The following TMEM108 variants were observed in gnomAD, a reference collection of about 807,000 sequenced individuals.
TMEM108 encodes transmembrane protein 108, also known as cancer/testis antigen 124.
A neutral mutation model predicts 35.1 loss-of-function variants in TMEM108; 12 were observed. The observed-to-expected ratio is 0.34, with a 90% CI of 0.22 to 0.55. The LOEUF is 0.55. Ranked by LOEUF, TMEM108 falls within the 20% of genes least tolerant of loss-of-function variation. The pLI, the probability that TMEM108 is intolerant of heterozygous loss-of-function variation, is 0.89. For synonymous variants in TMEM108, 287 were observed against 308.6 expected (o/e 0.93, Z 0.73); for missense variants, 680 against 753.3 (o/e 0.90, Z 1.14).
At chr3:133,279,157 A>C (rs540993901) in intron 3 of TMEM108, among the ~76,000 whole-genome samples, 1 of 152,350 alleles carries the variant, frequency 6.6e-6, no homozygotes, top group Admixed American at 6.5e-5. Flanking sequence ...CCTGTGTCAA[A>C]GTAAGCACTT....
intron 2 of TMEM108, among the ~76,000 whole-genome samples, chr3:133,149,585 A>G (rs192682007): frequency 6.6e-6 from 1 of 152,278 alleles, no homozygotes; most frequent in East Asian, 1.9e-4. Context: ...TGTAAGTGAG[A>G]TCATACAGTA....
At chr3:133,313,432 G>T (rs1238543783) in intron 3 of TMEM108, among the ~76,000 whole-genome samples, 1 of 152,146 alleles carries the variant, frequency 6.6e-6, no homozygotes. Context: ...TGATCCACCT[G>T]CCTTGGCCTC....
intron 2 of TMEM108, among the ~76,000 whole-genome samples, chr3:133,228,813 A>C (rs1201474681): frequency 6.6e-6 from 1 of 152,218 alleles, no homozygotes; most frequent in Non-Finnish European, 1.5e-5. Context: ...TTGTAATCAG[A>C]AAATAATAGA....
intron 2 of TMEM108, among the ~76,000 whole-genome samples, chr3:133,122,166 C>G (rs1369037503): frequency 2.6e-5 from 4 of 151,654 alleles, no homozygotes; most frequent in Non-Finnish European, 5.9e-5. Context: ...TCTTTTCCCT[C>G]TACCTCCAAA....
chr3:133,178,506 A>G (rs1024465365), intron 2 of TMEM108, among the ~76,000 whole-genome samples: 2 of 151,998 alleles, frequency 1.3e-5, no homozygotes, highest in African/African-American at 4.8e-5. Context: ...ATAATGCCGC[A>G]TATCTACAAC....
chr3:133,211,308 T>C (rs1316038638), intron 2 of TMEM108, among the ~76,000 whole-genome samples: 1 of 152,152 alleles, frequency 6.6e-6, no homozygotes, highest in East Asian at 1.9e-4. Context: ...GAAAATTGAC[T>C]GCTGCCCAAA....
rs373454683 is a variant in TMEM108, at chr3:133,390,384, G to A, written c.1605+50G>A. 3 of 1,602,836 alleles carry A rather than the reference G, an allele frequency of 1.9e-6. No individual in the cohort carries two copies. In the African/African-American group the frequency reaches 4.0e-5, roughly 21 times the overall value. On this transcript the variant is annotated intron_variant, in intron 5 of 5. Transcript: ENST00000321871. ...CCACTGCAGGGAAACCAGGTCCAAA[G>A]AGAGCCATGGGGCATCTGCTCATTT...
chr3:133,380,593 A>G lies in TMEM108; in HGVS notation c.882A>G (p.Gln294=). 1 of 1,613,344 alleles carries G rather than the reference A, an allele frequency of 6.2e-7. No individual in the cohort carries two copies. The highest frequency in any genetic ancestry group is 1.3e-5 in the African/African-American group (1 of 75,024). The change falls in exon 4 of 6, where the codon CAA becomes CAG. Residue 294 remains glutamine (Q), a synonymous_variant. Coordinates refer to ENST00000321871, the MANE Select transcript of TMEM108 (RefSeq NM_023943.4). The surrounding 1 kb of genome is among the most constrained non-coding windows in gnomAD (Gnocchi z 5.3). ...AQGGGSTFTS[Q]GGTPDATAAS... The stretch of plus-strand genomic sequence containing the variant: ...GGGGTGGTTCTACCTTCACCAGCCA[A>G]GGAGGGACACCAGATGCCACAGCAG...
At chr3:133,039,157 A>G (rs1488148432) in intron 1 of TMEM108, among the ~76,000 whole-genome samples, 1 of 152,162 alleles carries the variant, frequency 6.6e-6, no homozygotes, top group Admixed American at 6.5e-5. Context: ...ACAAAAACCA[A>G]TTTCAGATGC....
rs531444374 is a variant in TMEM108 at position 133,287,086 on chromosome 3, C to T, written c.40+57735C>T. 7.9e-5 allele frequency among the ~76,000 whole-genome samples: 12 copies of T among 152,236 alleles called. No homozygotes were observed. The South Asian group carries it at 2.5e-3, about 32-fold the overall frequency. On this transcript the variant is annotated intron_variant, in intron 3 of 5. Transcript: ENST00000321871. ...GCTTGGACAAGTAGGAGGCTCAGGT[C>T]CCTCAAAGACCTGCCTTGGTGCTAC...
At chr3:133,302,141 A>G (rs1425848349) in intron 3 of TMEM108, among the ~76,000 whole-genome samples, 1 of 152,164 alleles carries the variant, frequency 6.6e-6, no homozygotes, top group Non-Finnish European at 1.5e-5. Flanking sequence ...TCTTAAATCT[A>G]GTGAATCCAT....
intron 3 of TMEM108, among the ~76,000 whole-genome samples, chr3:133,285,174 C>T (rs374100679): frequency 6.6e-6 from 1 of 152,042 alleles, no homozygotes; most frequent in Non-Finnish European, 1.5e-5. Context: ...GCTATTGAGC[C>T]CTTGAATTTC....
chr3:133,189,513 G>C (rs1945469223), intron 2 of TMEM108, among the ~76,000 whole-genome samples: 1 of 152,180 alleles, frequency 6.6e-6, no homozygotes, highest in Non-Finnish European at 1.5e-5. Flanking sequence ...CTGTGTGGTA[G>C]AAGAGAGAAT....
At chr3:133,374,542 T>TTATATATATA (rs10580755) in intron 3 of TMEM108, among the ~76,000 whole-genome samples, 26 of 145,816 alleles carry the variant, frequency 1.8e-4, no homozygotes, top group African/African-American at 5.1e-4. Context: ...ATAATTTTTG[T>TTATATATATA]TATATATATA....
chr3:133,217,392 T>A (rs4599306), intron 2 of TMEM108, among the ~76,000 whole-genome samples: 118,481 of 151,946 alleles, frequency 0.78, 46,552 homozygotes, highest in East Asian at 0.95. Flanking sequence ...ATAACTCTGT[T>A]GATTGTTTCT....
At chr3:133,351,543 C>T (rs967900307) in intron 3 of TMEM108, among the ~76,000 whole-genome samples, 3 of 152,022 alleles carry the variant, frequency 2.0e-5, no homozygotes, top group African/African-American at 7.3e-5. Context: ...TTGCTCTGAG[C>T]CCTTGGGAAG....
At chr3:133,052,708 C>T (rs1943420133) in intron 2 of TMEM108, among the ~76,000 whole-genome samples, 1 of 151,596 alleles carries the variant, frequency 6.6e-6, no homozygotes, top group Non-Finnish European at 1.5e-5. Flanking sequence ...TTTTTCTGCC[C>T]TAAATGTTGG....
chr3:133,321,052 A>G (rs1407250744), intron 3 of TMEM108, among the ~76,000 whole-genome samples: 1 of 152,138 alleles, frequency 6.6e-6, no homozygotes, highest in Non-Finnish European at 1.5e-5. Context: ...CTTAAAATAC[A>G]CCAAAATAGA....
chr3:133,177,095 AC>A (rs1474002344), intron 2 of TMEM108, among the ~76,000 whole-genome samples: 1 of 152,176 alleles, frequency 6.6e-6, no homozygotes, highest in African/African-American at 2.4e-5. Flanking sequence ...CGATACATAC[AC>A]CCTCCCAAGA....
Sources: gnomAD v4.1 joint callset for allele counts (sites outside exome capture counted in the v4.1 genomes callset) on GRCh38, gnomAD v4.1.1 for gene constraint, Gnocchi (gnomAD v3.1) non-coding constraint, MANE v1.5 for transcripts, NCBI Gene and HGNC (gene_info 2026-07-23, HGNC 2026-07-21) for gene names.